MUCL1: variants seen among roughly 807,000 people sequenced by gnomAD.
MUCL1 encodes mucin like 1.
A neutral mutation model predicts 9.2 loss-of-function variants in MUCL1; 11 were observed. The observed-to-expected ratio is 1.19, with a 90% CI of 0.75 to 1.97. The LOEUF is 1.97. Ranked by LOEUF, MUCL1 falls within the 30% of genes most tolerant of loss-of-function variation. The pLI is 0.00. For missense variants in MUCL1, 144 were observed against 110.9 expected (o/e 1.30, Z -1.34); for synonymous variants, 48 against 40.5 (o/e 1.19, Z -0.71).
intron 1 of MUCL1, among the ~76,000 whole-genome samples, chr12:54,847,012 T>C (rs915436337): frequency 1.3e-5 from 2 of 152,212 alleles, no homozygotes; most frequent in African/African-American, 2.4e-5. Flanking sequence ...CCTGAGGTTC[T>C]GCCTTCCAAG....
chr12:54,839,566 A>C, intron 1 of MUCL1: 1 of 693,756 alleles, frequency 1.4e-6, no homozygotes. Flanking sequence ...GAGCAACCTC[A>C]TCCTCCTGTC....
At chr12:54,845,346 A>T (rs1959239787) in intron 1 of MUCL1, among the ~76,000 whole-genome samples, 1 of 152,172 alleles carries the variant, frequency 6.6e-6, no homozygotes, top group South Asian at 2.1e-4. Context: ...ACAGGAGGTA[A>T]CACTCAAATT....
At chr12:54,838,737 A>G (rs1959198198), upstream of MUCL1, among the ~76,000 whole-genome samples, 1 of 152,012 alleles carries the variant, frequency 6.6e-6, no homozygotes, top group Non-Finnish European at 1.5e-5. Context: ...GCACTTTGTA[A>G]TTCCCTAAAT....
At chr12:54,848,924 C>A (rs1959295864) in intron 1 of MUCL1, among the ~76,000 whole-genome samples, 1 of 152,074 alleles carries the variant, frequency 6.6e-6, no homozygotes, top group South Asian at 2.1e-4. Flanking sequence ...CAAATAGAGA[C>A]TTTGTACATA....
upstream of MUCL1, among the ~76,000 whole-genome samples, chr12:54,850,613 T>C (rs1184554750): frequency 6.6e-6 from 1 of 152,168 alleles, no homozygotes; most frequent in Non-Finnish European, 1.5e-5. Flanking sequence ...AGTGCTGCAA[T>C]AAACATACGT....
chr12:54,845,350 TC>T (rs1439807356), intron 1 of MUCL1, among the ~76,000 whole-genome samples: 1 of 152,042 alleles, frequency 6.6e-6, no homozygotes, highest in Admixed American at 6.6e-5. Context: ...GAGGTAACAC[TC>T]AAATTTGTCT....
intron 1 of MUCL1, among the ~76,000 whole-genome samples, chr12:54,846,371 A>C (rs1314028079): frequency 2.0e-5 from 3 of 152,194 alleles, no homozygotes. Flanking sequence ...TACTGGGGCA[A>C]CTGAAGGAGC....
chr12:54,853,844 GT>G (rs566925250), upstream of MUCL1, among the ~76,000 whole-genome samples: 287 of 152,254 alleles, frequency 1.9e-3, no homozygotes, highest in Non-Finnish European at 3.3e-3. Context: ...CTCAATGAAT[GT>G]TTTTTGAATG....
At chr12:54,835,687 C>T (rs1382911508), upstream of MUCL1, among the ~76,000 whole-genome samples, 2 of 151,192 alleles carry the variant, frequency 1.3e-5, no homozygotes, top group African/African-American at 2.4e-5. Flanking sequence ...AACTTTTCCC[C>T]GTTCAGTATG....
chr12:54,849,036 T>C (rs1959298013), intron 1 of MUCL1, among the ~76,000 whole-genome samples: 1 of 152,114 alleles, frequency 6.6e-6, no homozygotes, highest in Admixed American at 6.6e-5. Context: ...GAGTAAATTA[T>C]GATATAATCA....
At chr12:54,843,758 T>C (rs1344603887) in intron 1 of MUCL1, among the ~76,000 whole-genome samples, 1 of 152,218 alleles carries the variant, frequency 6.6e-6, no homozygotes, top group Non-Finnish European at 1.5e-5. Context: ...TGGATTCTTC[T>C]ATAGAGACTT....
chr12:54,847,075 A>G (rs1046423680), intron 1 of MUCL1, among the ~76,000 whole-genome samples: 39 of 151,926 alleles, frequency 2.6e-4, no homozygotes, highest in African/African-American at 8.5e-4. Context: ...TCCCTCCTCA[A>G]TACTTTATGA....
At chr12:54,843,285 T>C (rs1159606043) in intron 1 of MUCL1, among the ~76,000 whole-genome samples, 2 of 152,336 alleles carry the variant, frequency 1.3e-5, no homozygotes, top group East Asian at 1.9e-4. Context: ...ACAATACTTT[T>C]CTATTTATAT....
At chr12:54,836,947 A>G (rs1959193762), upstream of MUCL1, among the ~76,000 whole-genome samples, 1 of 152,154 alleles carries the variant, frequency 6.6e-6, no homozygotes, top group African/African-American at 2.4e-5. Flanking sequence ...CTGAGAAAAC[A>G]CTTGATATAA....
exon 1 of MUCL1, chr12:54,830,691 G>A (rs1959184250): frequency 6.6e-6 from 1 of 152,202 alleles, no homozygotes; most frequent in Non-Finnish European, 1.5e-5. Flanking sequence ...CATTCTGCCA[G>A]GCTTTTCATT....
intron 1 of MUCL1, among the ~76,000 whole-genome samples, chr12:54,843,777 A>G (rs1364527925): frequency 6.6e-6 from 1 of 152,194 alleles, no homozygotes; most frequent in Non-Finnish European, 1.5e-5. Context: ...TTCAGAAAGA[A>G]TGCAACCCTT....
At position 54,856,888 on chromosome 12, in the gene MUCL1, T is replaced by G. The variant is rs376466037; in HGVS notation, c.219T>G (p.Ile73Met). ...TAASTTARKD[I>M]PVLPKWVGDL... ...CTTCTACCACTGCTCGTAAAGACAT[T>G]CCAGGTAGCAAGACTCCTCCATCTG... The change falls in exon 3 of 4, where the codon ATT becomes ATG. Residue 73 changes from isoleucine to methionine, a missense_variant. Coordinates refer to ENST00000308796, the MANE Select transcript of MUCL1 (RefSeq NM_058173.3). 8 of 1,613,604 alleles carry G rather than the reference T, an allele frequency of 5.0e-6. No homozygotes were observed. In the East Asian group the frequency reaches 1.8e-4, roughly 36 times the overall value.
intron 1 of MUCL1, among the ~76,000 whole-genome samples, chr12:54,846,489 T>C (rs1959258942): frequency 6.6e-6 from 1 of 152,162 alleles, no homozygotes; most frequent in South Asian, 2.1e-4. Context: ...TGGGAGAGTA[T>C]TTTGTGGTTT....
upstream of MUCL1, among the ~76,000 whole-genome samples, chr12:54,852,125 A>G (rs1196629773): frequency 2.0e-5 from 3 of 152,176 alleles, no homozygotes; most frequent in East Asian, 5.8e-4. Context: ...CAAGCTACCA[A>G]TGACTTTCTT....
Sources: allele counts gnomAD v4.1 joint callset (sites outside exome capture counted in the v4.1 genomes callset), GRCh38; gene constraint gnomAD v4.1.1; transcripts MANE v1.5; gene names NCBI Gene and HGNC (gene_info 2026-07-23, HGNC 2026-07-21).